DLGAP2: variants seen among roughly 807,000 people sequenced by gnomAD.
The protein encoded by DLGAP2 is DLG associated protein 2.
A neutral mutation model predicts 100.3 loss-of-function variants in DLGAP2; 26 were observed. The observed-to-expected ratio is 0.26, with a 90% CI of 0.19 to 0.36. The LOEUF (loss-of-function observed/expected upper bound fraction) is 0.36, where lower values mean the gene tolerates loss of function less well. Among genes scored for constraint, DLGAP2 ranks in the 10% least tolerant of loss-of-function variants. The pLI, the probability that DLGAP2 is intolerant of heterozygous loss-of-function variation, is 1.00. For missense variants in DLGAP2, 1,858 were observed against 1,453.2 expected (o/e 1.28, Z -4.53); for synonymous variants, 886 against 630.1 (o/e 1.41, Z -6.08).
chr8:925,399 A>G (rs1798792245), intron 2 of DLGAP2, among the ~76,000 whole-genome samples: 1 of 152,178 alleles, frequency 6.6e-6, no homozygotes, highest in African/African-American at 2.4e-5. Context: ...CATATATGAA[A>G]TGTGAATGGT....
intron 3 of DLGAP2, among the ~76,000 whole-genome samples, chr8:1,461,870 G>A (rs1331857536): frequency 4.5e-4 from 4 of 8,826 alleles, no homozygotes; most frequent in South Asian, 0.02. Flanking sequence ...TCGCTGATTC[G>A]GTGACCAGGA....
chr8:765,927 G>C (rs891321664), intron 1 of DLGAP2, among the ~76,000 whole-genome samples: 1 of 152,158 alleles, frequency 6.6e-6, no homozygotes, highest in Non-Finnish European at 1.5e-5. Flanking sequence ...CCAGTACTTT[G>C]GGAGGCTGAT....
At chr8:1,170,799 G>A (rs953204977) in intron 2 of DLGAP2, among the ~76,000 whole-genome samples, 3 of 146,516 alleles carry the variant, frequency 2.0e-5, no homozygotes, top group Admixed American at 7.0e-5. Context: ...TCTTGCTAGC[G>A]GTCTATCAAT....
intron 1 of DLGAP2, among the ~76,000 whole-genome samples, chr8:757,820 C>A (rs1212753854): frequency 6.6e-6 from 1 of 152,208 alleles, no homozygotes; most frequent in Non-Finnish European, 1.5e-5. Context: ...ACTGTGTAAT[C>A]AAAGACTGAG....
At chr8:1,157,650 C>T (rs984378400) in intron 2 of DLGAP2, among the ~76,000 whole-genome samples, 1 of 152,144 alleles carries the variant, frequency 6.6e-6, no homozygotes, top group African/African-American at 2.4e-5. Context: ...GGCAAATGTA[C>T]TGTAGGAAGA....
intron 6 of DLGAP2, among the ~76,000 whole-genome samples, chr8:1,593,507 A>G (rs1353001370): frequency 6.6e-6 from 1 of 152,070 alleles, no homozygotes; most frequent in Non-Finnish European, 1.5e-5. Context: ...AATGACACTA[A>G]TTGAAAATCT....
intron 2 of DLGAP2, among the ~76,000 whole-genome samples, chr8:1,185,227 C>G (rs1235263184): frequency 6.6e-6 from 1 of 152,034 alleles, no homozygotes; most frequent in East Asian, 1.9e-4. Context: ...GGTGGTTTTC[C>G]TGTATTTTCT....
chr8:1,637,753 G>A (rs1443933822), intron 8 of DLGAP2, among the ~76,000 whole-genome samples: 4 of 152,234 alleles, frequency 2.6e-5, no homozygotes, highest in Admixed American at 2.0e-4. Flanking sequence ...GAAGTCCTGA[G>A]CATTGGCCCC....
At position 1,372,123 on chromosome 8, in the gene DLGAP2, C is replaced by T. The variant is rs573768447; in HGVS notation, c.106+113240C>T. On this transcript the variant is annotated intron_variant, in intron 3 of 14. Coordinates refer to ENST00000637795, the MANE Select transcript of DLGAP2 (RefSeq NM_001346810.2). ...GGGACAGCTCTGGGACCTGGGCCCT[C>T]ACCTGCAGGCACCTACACAGGTGAT... Among the ~76,000 whole-genome samples the T allele has an allele frequency of 2.6e-5, 4 of 152,248 alleles. No homozygotes were observed. The East Asian group carries it at 7.7e-4, about 29-fold the overall frequency.
At chr8:1,169,933 G>C (rs1329640307) in intron 2 of DLGAP2, among the ~76,000 whole-genome samples, 2 of 151,986 alleles carry the variant, frequency 1.3e-5, no homozygotes, top group Non-Finnish European at 2.9e-5. Flanking sequence ...AATAGGAGTG[G>C]TGAGAGAGGG....
intron 6 of DLGAP2, among the ~76,000 whole-genome samples, chr8:1,590,876 A>G (rs1459952200): frequency 6.6e-6 from 1 of 152,146 alleles, no homozygotes; most frequent in Non-Finnish European, 1.5e-5. Flanking sequence ...TGTCAATGTC[A>G]TTACCAGGGA....
At chr8:881,019 G>A (rs2128993305) in intron 1 of DLGAP2, among the ~76,000 whole-genome samples, 1 of 152,268 alleles carries the variant, frequency 6.6e-6, no homozygotes, top group African/African-American at 2.4e-5. Context: ...TCAGTAAGTG[G>A]CTTATATATA....
intron 2 of DLGAP2, among the ~76,000 whole-genome samples, chr8:1,064,561 GT>G (rs1477801503): frequency 6.6e-6 from 1 of 152,176 alleles, no homozygotes; most frequent in African/African-American, 2.4e-5. Flanking sequence ...TGCAGTTGTT[GT>G]TTTCTAAGGC....
intron 2 of DLGAP2, among the ~76,000 whole-genome samples, chr8:1,090,186 A>T (rs1023619238): frequency 6.9e-6 from 1 of 145,726 alleles, no homozygotes; most frequent in Admixed American, 6.8e-5. Flanking sequence ...TCATACCCCG[A>T]GGACCTGCTG....
intron 2 of DLGAP2, among the ~76,000 whole-genome samples, chr8:1,151,613 T>C (rs1796698857): frequency 6.6e-6 from 1 of 152,126 alleles, no homozygotes; most frequent in Non-Finnish European, 1.5e-5. Flanking sequence ...GGGAAATGAG[T>C]GCACTGGCTT....
chr8:1,675,450 G>A (rs1403957755), intron 10 of DLGAP2, among the ~76,000 whole-genome samples: 2 of 152,184 alleles, frequency 1.3e-5, no homozygotes, highest in Admixed American at 6.5e-5. Context: ...CGCAGGGTAC[G>A]CACCAAATAA....
At chr8:1,233,889 G>A (rs547414270) in intron 2 of DLGAP2, among the ~76,000 whole-genome samples, 2 of 152,298 alleles carry the variant, frequency 1.3e-5, no homozygotes, top group African/African-American at 2.4e-5. Flanking sequence ...TCACACGGAT[G>A]TATATGGAGG....
intron 2 of DLGAP2, among the ~76,000 whole-genome samples, chr8:1,180,555 C>T (rs933686176): frequency 5.8e-5 from 7 of 120,790 alleles, no homozygotes; most frequent in Middle Eastern, 4.0e-3. Flanking sequence ...AGAACCAGTG[C>T]GTGTGGCACA....
At chr8:1,527,315 C>T (rs1011005137) in intron 4 of DLGAP2, among the ~76,000 whole-genome samples, 1 of 152,262 alleles carries the variant, frequency 6.6e-6, no homozygotes, top group Non-Finnish European at 1.5e-5. Flanking sequence ...CAGCCAGAGG[C>T]CCTTGCCCAC....
Sources: gnomAD v4.1 joint callset for allele counts (sites outside exome capture counted in the v4.1 genomes callset) on GRCh38, gnomAD v4.1.1 for gene constraint, MANE v1.5 for transcripts, NCBI Gene and HGNC (gene_info 2026-07-23, HGNC 2026-07-21) for gene names.